Variants in FMNL3 observed in about 807,000 individuals in gnomAD.
FMNL3 encodes formin-like protein 3.
Under a neutral mutation model 119.6 loss-of-function variants are expected in FMNL3, and 57 were observed. That is an observed-to-expected ratio of 0.48 (90% CI 0.39 to 0.59). The LOEUF is 0.59. Ranked by LOEUF, FMNL3 falls within the 20% of genes least tolerant of loss-of-function variation. FMNL3 has a pLI of 0.00. For synonymous variants in FMNL3, 491 were observed against 507.3 expected, an observed-to-expected ratio of 0.97 and a Z score of 0.43; for missense variants, 1,053 against 1,323.5, an observed-to-expected ratio of 0.80 and a Z score of 3.17.
At position 49,642,009 on chromosome 12, in the gene FMNL3, G is replaced by A. The variant is rs1453341704; in HGVS notation, c.*3806C>T. The stretch of plus-strand genomic sequence containing the variant: ...CCGCACTGGACGCAGGCAACATCAA[G>A]CTGACCTTCAATAGTGTGAGGGGCT... On this transcript the variant is annotated 3_prime_UTR_variant, in exon 26 of 26. Coordinates refer to ENST00000335154, the MANE Select transcript of FMNL3 (RefSeq NM_175736.5). The surrounding 1 kb of genome is among the most constrained non-coding windows in gnomAD (Gnocchi z 5.8). The A allele has an allele frequency of 2.5e-6, 4 of 1,612,890 alleles. No individual in the cohort carries two copies. The highest frequency in any genetic ancestry group is 3.4e-6 in the Non-Finnish European group (4 of 1,180,044).
intron 1 of FMNL3, among the ~76,000 whole-genome samples, chr12:49,691,052 CA>C (rs1306691578): frequency 6.6e-6 from 1 of 151,888 alleles, no homozygotes; most frequent in East Asian, 1.9e-4. Context: ...AAAGCAACAA[CA>C]AAAAAAACTG....
chr12:49,696,944 G>A (rs1480008138), intron 1 of FMNL3, among the ~76,000 whole-genome samples: 1 of 152,162 alleles, frequency 6.6e-6, no homozygotes, highest in Non-Finnish European at 1.5e-5. Context: ...CATTCCTCCA[G>A]GCTGGCAGCC....
At chr12:49,648,093 G>A in intron 22 of FMNL3, 100 bp downstream of exon 22, 1 of 1,401,688 alleles carries the variant, frequency 7.1e-7, no homozygotes, top group African/African-American at 1.5e-5. Flanking sequence ...TAGCCAGCCA[G>A]CTGCTTGATT....
intron 1 of FMNL3, among the ~76,000 whole-genome samples, chr12:49,695,498 T>C (rs1944726464): frequency 6.6e-6 from 1 of 152,218 alleles, no homozygotes; most frequent in African/African-American, 2.4e-5. Flanking sequence ...CCTAGCTTCA[T>C]ATTGCCTGTA....
At position 49,644,658 on chromosome 12, in the gene FMNL3, A is replaced by G. The variant is rs1377034382; in HGVS notation, c.*1157T>C. The G allele has an allele frequency of 5.5e-6, 1 of 182,442 alleles. No homozygotes were observed. Among genetic ancestry groups the G allele is most frequent in the Non-Finnish European group, 1.2e-5 (1 of 84,216 alleles). 11.3% of individuals were successfully genotyped at this position (182,442 alleles called of 1,614,324 possible). Reference sequence around the variant, plus strand: ...TTTTGTTTTTTAAATAACAATATTTATAACATGGCCAGTGACTCTTTTCCA... The same window carrying G: ...TTTTGTTTTTTAAATAACAATATTTGTAACATGGCCAGTGACTCTTTTCCA... On this transcript the variant is annotated 3_prime_UTR_variant, in exon 26 of 26. Coordinates refer to ENST00000335154, the MANE Select transcript of FMNL3 (RefSeq NM_175736.5).
intron 25 of FMNL3, 89 bp from the exon 26 acceptor site, chr12:49,645,992 A>G (rs1056413977): frequency 4.4e-5 from 49 of 1,111,724 alleles, no homozygotes; most frequent in Non-Finnish European, 5.6e-5. Context: ...AGGGCCAGGG[A>G]GGAGCCAGCA....
intron 22 of FMNL3, 83 bp downstream of exon 22, chr12:49,648,104 TAAAAAA>T: frequency 8.1e-7 from 1 of 1,234,152 alleles, no homozygotes; most frequent in East Asian, 2.6e-5. Flanking sequence ...CTGCTTGATT[TAAAAAA>T]AAAAAAAAAT....
At position 49,668,519 on chromosome 12, in the gene FMNL3, G is replaced by A. The variant is rs369094622; in HGVS notation, c.162C>T (p.Leu54=). 1.2e-4 allele frequency: 198 copies of A among 1,614,028 alleles called. No homozygotes were observed. Among genetic ancestry groups the A allele is most frequent in the Non-Finnish European group, 1.5e-4 (179 of 1,180,044 alleles). ...SMNLPPDKAR[L]LRQYDNEKKW... ...TCTTCTCATTGTCATACTGCCGCAG[G>A]AGCCGGGCCTTGTCTGGAGGCAGGT... Residue 54 remains leucine (L), a synonymous_variant, in exon 2 of 26, where the codon CTC becomes CTT. Coordinates refer to ENST00000335154, the MANE Select transcript of FMNL3 (RefSeq NM_175736.5).
At position 49,637,937 on chromosome 12, in the gene FMNL3, A is replaced by C. The variant is rs1175255950; in HGVS notation, c.*7878T>G. On this transcript the variant is annotated 3_prime_UTR_variant, in exon 26 of 26. Transcript: ENST00000335154. ...GAAGCATTACAGCTTGGTTCAGCAGATATCTACTGTGATCCTTTACTGCAC... is the reference window on the plus strand; with the variant it reads ...GAAGCATTACAGCTTGGTTCAGCAGCTATCTACTGTGATCCTTTACTGCAC... 4.9e-6 allele frequency: 4 copies of C among 813,498 alleles called. No individual in the cohort carries two copies. Among genetic ancestry groups the C allele is most frequent in the African/African-American group, 1.7e-5 (1 of 59,556 alleles). 50.4% of individuals were successfully genotyped at this position (813,498 alleles called of 1,614,324 possible).
chr12:49,704,857 G>T (rs1254394677), intron 1 of FMNL3, among the ~76,000 whole-genome samples: 1 of 151,998 alleles, frequency 6.6e-6, no homozygotes, highest in Non-Finnish European at 1.5e-5. Context: ...AGATGAGGAA[G>T]AAGTCTAGGC....
At chr12:49,651,358 G>A (rs1592643331) in intron 15 of FMNL3, 24 bp downstream of exon 15, 2 of 1,585,254 alleles carry the variant, frequency 1.3e-6, no homozygotes, top group Non-Finnish European at 1.7e-6. Context: ...CACCAGCCCT[G>A]CCCAGAGCCC....
intron 4 of FMNL3, among the ~76,000 whole-genome samples, chr12:49,665,569 C>T (rs1293759375): frequency 1.3e-5 from 2 of 152,210 alleles, no homozygotes; most frequent in African/African-American, 2.4e-5. Flanking sequence ...ATGTCTTCCA[C>T]TCAAAGCCAC....
At chr12:49,669,715 C>T (rs927719656) in intron 1 of FMNL3, among the ~76,000 whole-genome samples, 1 of 152,078 alleles carries the variant, frequency 6.6e-6, no homozygotes, top group Non-Finnish European at 1.5e-5. Flanking sequence ...ACCTGTAATC[C>T]CAGCTACTCA....
At position 49,707,303 on chromosome 12, in the gene FMNL3, G is replaced by A; in HGVS notation, c.-123C>T. ...CCCCGAGTCCCGACTCCTCGGCCCC[G>A]TCGAGGGCGCCGGGGGTTCCCTGGA... is the stretch of plus-strand genomic sequence containing the variant. On this transcript the variant is annotated 5_prime_UTR_variant, in exon 1 of 26. It adds an upstream start codon to the 5' untranslated region. Coordinates refer to ENST00000335154, the MANE Select transcript of FMNL3 (RefSeq NM_175736.5). 2.1e-6 allele frequency: 2 copies of A among 957,364 alleles called. No individual in the cohort carries two copies. Among genetic ancestry groups the A allele is most frequent in the South Asian group, 4.4e-5 (2 of 45,048 alleles). 59.3% of individuals were successfully genotyped at this position (957,364 alleles called of 1,614,324 possible). A position where few individuals can be genotyped will look rare whatever the true frequency, so the allele number is the denominator to read the frequency against.
chr12:49,680,085 T>C (rs1944297559), intron 1 of FMNL3, among the ~76,000 whole-genome samples: 1 of 152,224 alleles, frequency 6.6e-6, no homozygotes, highest in Non-Finnish European at 1.5e-5. Context: ...CACTTGTTCC[T>C]AGCAAGTATG....
rs553274583 is a variant in FMNL3 at position 49,673,484 on chromosome 12, C to T, written c.127-4930G>A. The stretch of plus-strand genomic sequence containing the variant: ...GCAGGCAACACAAGGCACAAAGGCC[C>T]ATTACTAGCTGCCAAAAGGACAGAG... On this transcript the variant is annotated intron_variant, in intron 1 of 25. Transcript: ENST00000335154. Among the ~76,000 whole-genome samples, 4 of 152,362 alleles carry T rather than the reference C, an allele frequency of 2.6e-5. No individual in the cohort carries two copies. In the South Asian group the frequency reaches 8.3e-4, roughly 32 times the overall value.
chr12:49,637,670 G>A lies in FMNL3; in HGVS notation c.*8145C>T, dbSNP rs1280188153. On this transcript the variant is annotated 3_prime_UTR_variant, in exon 26 of 26. Coordinates refer to ENST00000335154, the MANE Select transcript of FMNL3 (RefSeq NM_175736.5). ...CCCCCTACTACCGGCTCCTGTCCTC[G>A]GCCCAGCCCCCAGGCCTTGGGAAGC... The A allele has an allele frequency of 2.6e-5, 40 of 1,543,744 alleles. No individual in the cohort carries two copies. The highest frequency in any genetic ancestry group is 2.2e-4 in the Middle Eastern group (1 of 4,528).
chr12:49,642,121 A>G lies in FMNL3; in HGVS notation c.*3694T>C. On this transcript the variant is annotated 3_prime_UTR_variant, in exon 26 of 26. Coordinates refer to ENST00000335154, the MANE Select transcript of FMNL3 (RefSeq NM_175736.5). The surrounding 1 kb of genome is among the most constrained non-coding windows in gnomAD (Gnocchi z 5.8). ...GTCCCACTGACTATATTCCCAATTC[A>G]GGGGATGGTGGTAGAAGCCCAGACC... 6.2e-7 allele frequency: 1 copy of G among 1,603,324 alleles called. No individual in the cohort carries two copies. The highest frequency in any genetic ancestry group is 8.5e-7 in the Non-Finnish European group (1 of 1,172,444).
At position 49,649,236 on chromosome 12, in the gene FMNL3, C is replaced by T. The variant is rs949618401; in HGVS notation, c.2385+23G>A. The T allele has an allele frequency of 1.9e-6, 3 of 1,613,970 alleles. No homozygotes were observed. The highest frequency in any genetic ancestry group is 2.2e-5 in the East Asian group (1 of 44,880). ...ACTGCTGCCCCCCAGGCTTCCTGGCCCACGCTGCCCTCACCATCTTACCAG... is the reference window on the plus strand; with the variant it reads ...ACTGCTGCCCCCCAGGCTTCCTGGCTCACGCTGCCCTCACCATCTTACCAG... On this transcript the variant is annotated intron_variant, in intron 20 of 25. Coordinates refer to ENST00000335154, the MANE Select transcript of FMNL3 (RefSeq NM_175736.5). The surrounding 1 kb of genome is among the most constrained non-coding windows in gnomAD (Gnocchi z 5.6).
Sources: allele counts gnomAD v4.1 joint callset (sites outside exome capture counted in the v4.1 genomes callset), GRCh38; gene constraint gnomAD v4.1.1; non-coding constraint Gnocchi (gnomAD v3.1); transcripts MANE v1.5; gene names NCBI Gene and HGNC (gene_info 2026-07-23, HGNC 2026-07-21).